Variants in TUSC3 observed in about 807,000 individuals in gnomAD.
TUSC3 encodes the protein tumor suppressor candidate 3, also known as dolichyl-diphosphooligosaccharide--protein glycosyltransferase subunit TUSC3.
TUSC3 carries 45 observed loss-of-function variants against 44.8 expected under a neutral mutation model. That is an observed-to-expected ratio of 1.00 (90% CI 0.79 to 1.29). The LOEUF is 1.29. TUSC3 is among the 50% of genes most tolerant of loss of function. The pLI is 0.00. For synonymous variants in TUSC3, 212 were observed against 152.9 expected (o/e 1.39, Z -2.85); for missense variants, 519 against 437.9 (o/e 1.19, Z -1.65).
intron 1 of TUSC3, among the ~76,000 whole-genome samples, chr8:15,616,406 C>A (rs1017728789): frequency 6.6e-6 from 1 of 151,956 alleles, no homozygotes; most frequent in Middle Eastern, 3.2e-3. Context: ...GGCAAAACTC[C>A]GTTTTTACTA....
intron 2 of TUSC3, among the ~76,000 whole-genome samples, chr8:15,644,611 C>T (rs751553406): frequency 6.6e-6 from 1 of 151,980 alleles, no homozygotes; most frequent in Non-Finnish European, 1.5e-5. Flanking sequence ...CCCTATTAAA[C>T]GTTAAGAAGT....
intron 1 of TUSC3, among the ~76,000 whole-genome samples, chr8:15,423,791 T>G (rs1495089): frequency 0.34 from 50,810 of 151,640 alleles, 10,202 homozygotes; most frequent in African/African-American, 0.57. Context: ...ATTGTCCTGA[T>G]ATCCATAAAC....
intron 6 of TUSC3, among the ~76,000 whole-genome samples, chr8:15,716,368 T>TA (rs201365670): frequency 2.5e-4 from 37 of 148,958 alleles, no homozygotes; most frequent in East Asian, 3.9e-4. Context: ...TTAACCAGCT[T>TA]AAAAAAAAAA....
rs1291341850 is a variant in TUSC3, at chr8:15,523,652, A to G, written n.189+40169A>G. On this transcript the variant is annotated intron_variant and non_coding_transcript_variant, in intron 2 of 5. Transcript: ENST00000503191. Reference sequence around the variant, plus strand: ...ATCCTTTAAAAACATATATATATATATATATATATATATGTGTGTGTGTGT... The same window carrying G: ...ATCCTTTAAAAACATATATATATATGTATATATATATATGTGTGTGTGTGT... 6.0e-4 allele frequency among the ~76,000 whole-genome samples: 17 copies of G among 28,380 alleles called. No homozygotes were observed. The East Asian group carries it at 6.9e-3, about 11-fold the overall frequency. The allele number at this position is 28,380 out of a possible 152,430, so 18.6% of individuals were successfully genotyped here. A position where few individuals can be genotyped will look rare whatever the true frequency, so the allele number is the denominator to read the frequency against.
At chr8:15,617,602 T>C (rs1023128749) in intron 1 of TUSC3, among the ~76,000 whole-genome samples, 2 of 152,196 alleles carry the variant, frequency 1.3e-5, no homozygotes, top group African/African-American at 2.4e-5. Flanking sequence ...TATGGTGTAC[T>C]CATTAAGTAC....
chr8:15,494,578 A>G (rs762191856), intron 2 of TUSC3, among the ~76,000 whole-genome samples: 1 of 152,056 alleles, frequency 6.6e-6, no homozygotes, highest in Admixed American at 6.5e-5. Context: ...CAGCTTCCCA[A>G]AGTGCTGGGA....
At chr8:15,485,511 G>T (rs80206867) in intron 2 of TUSC3, among the ~76,000 whole-genome samples, 1 of 144,880 alleles carries the variant, frequency 6.9e-6, no homozygotes, top group African/African-American at 2.6e-5. Context: ...CACCCAGGCT[G>T]GAGTGCAGGG....
At chr8:15,521,978 A>G (rs113717164) in intron 2 of TUSC3, among the ~76,000 whole-genome samples, 4,568 of 152,336 alleles carry the variant, frequency 0.03, 251 homozygotes, top group African/African-American at 0.1. Context: ...CTGCTCTTCT[A>G]GGTAACTCAA....
chr8:15,789,282 G>C, the TUSC3 span, among the ~76,000 whole-genome samples: 2 of 152,146 alleles, frequency 1.3e-5, no homozygotes, highest in African/African-American at 2.4e-5. Context: ...CCGTAATATG[G>C]ATCTGATATC....
intron 1 of TUSC3, among the ~76,000 whole-genome samples, chr8:15,471,956 A>C (rs1182723953): frequency 6.6e-6 from 1 of 152,148 alleles, no homozygotes; most frequent in Admixed American, 6.6e-5. Context: ...TGAATAACAT[A>C]ATTGATGAAT....
chr8:15,525,493 T>G (rs1801361233), intron 2 of TUSC3, among the ~76,000 whole-genome samples: 1 of 152,244 alleles, frequency 6.6e-6, no homozygotes, highest in South Asian at 2.1e-4. Flanking sequence ...GTTCTCAGTT[T>G]TAATGTATAA....
the TUSC3 span, among the ~76,000 whole-genome samples, chr8:15,794,140 C>A: frequency 3.3e-5 from 5 of 152,154 alleles, no homozygotes; most frequent in African/African-American, 4.8e-5. Context: ...CTATGTAATG[C>A]AGTAGAGAAT....
At chr8:15,502,452 G>C (rs1276510475) in intron 2 of TUSC3, among the ~76,000 whole-genome samples, 1 of 152,084 alleles carries the variant, frequency 6.6e-6, no homozygotes, top group Admixed American at 6.6e-5. Context: ...TCCTATGTCG[G>C]ATTATCATTT....
chr8:15,505,087 A>G (rs984687574), intron 2 of TUSC3, among the ~76,000 whole-genome samples: 3 of 152,168 alleles, frequency 2.0e-5, no homozygotes, highest in Non-Finnish European at 4.4e-5. Flanking sequence ...CACCTCCCAC[A>G]TTGTAAAAAT....
chr8:15,614,628 C>T (rs1366977216), intron 1 of TUSC3, among the ~76,000 whole-genome samples: 1 of 152,030 alleles, frequency 6.6e-6, no homozygotes, highest in Non-Finnish European at 1.5e-5. Context: ...AAGTTGGCTT[C>T]TTTTTATTTC....
intron 1 of TUSC3, among the ~76,000 whole-genome samples, chr8:15,439,096 C>T (rs1438487427): frequency 6.6e-6 from 1 of 152,136 alleles, no homozygotes; most frequent in Non-Finnish European, 1.5e-5. Flanking sequence ...TGCAACTCGT[C>T]CATATACATC....
intron 1 of TUSC3, among the ~76,000 whole-genome samples, chr8:15,447,672 A>G (rs12544754): frequency 0.22 from 34,075 of 151,846 alleles, 4,419 homozygotes; most frequent in Middle Eastern, 0.32. Flanking sequence ...TTACCTTTGA[A>G]AAGCATGAAC....
At chr8:15,836,994 T>C in the TUSC3 span, among the ~76,000 whole-genome samples, 1 of 152,144 alleles carries the variant, frequency 6.6e-6, no homozygotes, top group East Asian at 1.9e-4. Context: ...CTAGTTTTTT[T>C]TCTATGTTAA....
At chr8:15,536,139 G>C (rs1801518762), upstream of TUSC3, among the ~76,000 whole-genome samples, 1 of 152,170 alleles carries the variant, frequency 6.6e-6, no homozygotes, top group Non-Finnish European at 1.5e-5. Flanking sequence ...CCAACAAAGG[G>C]AACAGCAGTA....
Sources: allele counts gnomAD v4.1 joint callset (sites outside exome capture counted in the v4.1 genomes callset), GRCh38; gene constraint gnomAD v4.1.1; transcripts MANE v1.5; gene names NCBI Gene and HGNC (gene_info 2026-07-23, HGNC 2026-07-21).